Variants in DPT observed in about 807,000 individuals in gnomAD.
DPT encodes tyrosine-rich acidic matrix protein.
Under a neutral mutation model 31.2 loss-of-function variants are expected in DPT, and 21 were observed. The observed-to-expected ratio is 0.67, with a 90% CI of 0.48 to 0.97. The LOEUF is 0.97. Ranked by LOEUF, DPT falls within the 50% of genes least tolerant of loss-of-function variation. The probability of loss-of-function intolerance (pLI) is 0.00; values close to 1 mark genes in which losing one functional copy is unlikely to be tolerated. For missense variants in DPT, 262 were observed against 258.8 expected (o/e 1.01, Z -0.08); for synonymous variants, 91 against 86.9 (o/e 1.05, Z -0.26).
At chr1:168,703,252 A>G (rs1368370849) in intron 2 of DPT, among the ~76,000 whole-genome samples, 4 of 152,244 alleles carry the variant, frequency 2.6e-5, no homozygotes, top group African/African-American at 9.6e-5. Flanking sequence ...AATTGCCAAA[A>G]GTATTTGGAA....
chr1:168,699,807 C>T lies in DPT; in HGVS notation c.539+1210G>A, dbSNP rs566228595. ...ATTCATTTCTGTGTAAAGTGATTAT[C>T]GGCTGACTAAAAGTAGGCCAAACCA... On this transcript the variant is annotated intron_variant, in intron 3 of 3. Transcript: ENST00000367817. 4.9e-4 allele frequency among the ~76,000 whole-genome samples: 75 copies of T among 152,194 alleles called. 1 individual carries two copies. The highest frequency in any genetic ancestry group is 1.5e-3 in the African/African-American group (64 of 41,520).
intron 2 of DPT, among the ~76,000 whole-genome samples, chr1:168,702,768 C>G (rs1242204633): frequency 6.6e-6 from 1 of 152,046 alleles, no homozygotes; most frequent in Non-Finnish European, 1.5e-5. Context: ...TGTGCCACCA[C>G]ACCCAGCTAA....
chr1:168,705,342 G>T (rs891111405), intron 2 of DPT, among the ~76,000 whole-genome samples: 1 of 152,038 alleles, frequency 6.6e-6, no homozygotes, highest in Non-Finnish European at 1.5e-5. Flanking sequence ...CCTCTTTCAG[G>T]ACTTTCCCTC....
rs988074333 is a variant in DPT, at chr1:168,715,746, C to T, written c.306-1400G>A. 9.8e-5 allele frequency among the ~76,000 whole-genome samples: 15 copies of T among 152,320 alleles called. 1 individual carries two copies. The highest frequency in any genetic ancestry group is 9.8e-4 in the Admixed American group (15 of 15,304). Reference sequence around the variant, plus strand: ...CCCAGATGGGTATGGTGAGCCATGGCCCTTTGATGAAATCCAGTGGATTTC... The same window carrying T: ...CCCAGATGGGTATGGTGAGCCATGGTCCTTTGATGAAATCCAGTGGATTTC... On this transcript the variant is annotated intron_variant, in intron 1 of 3. Coordinates refer to ENST00000367817, the MANE Select transcript of DPT (RefSeq NM_001937.5).
chr1:168,702,681 G>A (rs572170126), intron 2 of DPT, among the ~76,000 whole-genome samples: 85 of 143,272 alleles, frequency 5.9e-4, no homozygotes, highest in African/African-American at 2.1e-3. Context: ...GTGCAATCTC[G>A]GCTCACTGCA....
intron 1 of DPT, among the ~76,000 whole-genome samples, chr1:168,725,336 C>CTT (rs1650219069): frequency 1.3e-5 from 2 of 150,200 alleles, no homozygotes; most frequent in African/African-American, 4.9e-5. Flanking sequence ...TTCTCTCTCT[C>CTT]TCTTTCTTTC....
intron 1 of DPT, among the ~76,000 whole-genome samples, chr1:168,725,090 T>C (rs1305296624): frequency 6.6e-6 from 1 of 152,246 alleles, no homozygotes; most frequent in East Asian, 1.9e-4. Context: ...GCATTTGTTT[T>C]AGACTTCAAT....
intron 2 of DPT, among the ~76,000 whole-genome samples, chr1:168,702,518 G>A (rs1375907974): frequency 6.6e-6 from 1 of 151,838 alleles, no homozygotes; most frequent in East Asian, 1.9e-4. Context: ...TGCTTAACGA[G>A]TTCATGAAGG....
At chr1:168,704,550 C>A (rs1336245657) in intron 2 of DPT, among the ~76,000 whole-genome samples, 1 of 152,112 alleles carries the variant, frequency 6.6e-6, no homozygotes, top group Admixed American at 6.5e-5. Context: ...CCGTCTCAAA[C>A]AACAACAACA....
chr1:168,727,836 GCCAGATTTTGTGCTTGACCCCT>G (rs1484611385), intron 1 of DPT, among the ~76,000 whole-genome samples: 1 of 151,966 alleles, frequency 6.6e-6, no homozygotes, highest in Non-Finnish European at 1.5e-5. Flanking sequence ...ACCACACCTG[GCCAGATTTTGTGCTTGACCCCT>G]CCAATCCCCA....
At position 168,712,810 on chromosome 1, in the gene DPT, T is replaced by C. The variant is rs200775282; in HGVS notation, c.431+1411A>G. On this transcript the variant is annotated intron_variant, in intron 2 of 3. Coordinates refer to ENST00000367817, the MANE Select transcript of DPT (RefSeq NM_001937.5). ...CCAGGGGTTCTTGGCAGTGTGTTCA[T>C]GAATGGCCTTCAGGGAGTTTAAGGA... Among the ~76,000 whole-genome samples the C allele has an allele frequency of 5.9e-5, 9 of 152,336 alleles. No homozygotes were observed. The East Asian group carries it at 1.7e-3, about 29-fold the overall frequency.
intron 2 of DPT, among the ~76,000 whole-genome samples, chr1:168,703,923 G>A (rs919370670): frequency 5.9e-5 from 9 of 152,172 alleles, no homozygotes; most frequent in African/African-American, 9.7e-5. Flanking sequence ...GACACTGCAT[G>A]TGCACGCGCA....
chr1:168,713,315 C>T (rs1278281098), intron 2 of DPT, among the ~76,000 whole-genome samples: 3 of 152,150 alleles, frequency 2.0e-5, no homozygotes, highest in Admixed American at 6.5e-5. Context: ...AAAAGAAAAA[C>T]GTTAAGCTTT....
At chr1:168,727,594 G>A (rs1650279698) in intron 1 of DPT, among the ~76,000 whole-genome samples, 1 of 148,982 alleles carries the variant, frequency 6.7e-6, no homozygotes, top group South Asian at 2.1e-4. Context: ...AGGGAATACA[G>A]TGGTGCGAGC....
intron 1 of DPT, among the ~76,000 whole-genome samples, chr1:168,719,877 T>C (rs1303406650): frequency 1.3e-5 from 2 of 151,940 alleles, no homozygotes; most frequent in African/African-American, 4.8e-5. Context: ...CCCTGCTCCA[T>C]CTGAAACTGG....
chr1:168,703,350 T>C (rs1408711274), intron 2 of DPT, among the ~76,000 whole-genome samples: 3 of 152,180 alleles, frequency 2.0e-5, no homozygotes, highest in Non-Finnish European at 4.4e-5. Flanking sequence ...CGGAATAAAG[T>C]GGGAAAGAAA....
chr1:168,711,070 G>C (rs148003473), intron 2 of DPT, among the ~76,000 whole-genome samples: 4,226 of 151,228 alleles, frequency 0.028, 83 homozygotes, highest in African/African-American at 0.044. Context: ...GAGTGCAGTG[G>C]CGTGATCTCG....
chr1:168,704,965 G>C (rs769587973), intron 2 of DPT, among the ~76,000 whole-genome samples: 1 of 151,958 alleles, frequency 6.6e-6, no homozygotes, highest in Non-Finnish European at 1.5e-5. Context: ...TAGATGTCTC[G>C]GCTCCGTTGC....
In DPT at chr1:168,720,735, T is replaced by A. The variant is rs78798117; in HGVS notation, c.306-6389A>T. Among the ~76,000 whole-genome samples the A allele has an allele frequency of 7.9e-4, 121 of 152,320 alleles. No individual in the cohort carries two copies. The East Asian group carries it at 0.02, about 25-fold the overall frequency. On this transcript the variant is annotated intron_variant, in intron 1 of 3. Transcript: ENST00000367817. ...GTGGCTCACTCCATGTGGCACAGCATCCTTAACACTCCCAAATTTCTTTCC... is the reference window on the plus strand; with the variant it reads ...GTGGCTCACTCCATGTGGCACAGCAACCTTAACACTCCCAAATTTCTTTCC...
Sources: gnomAD v4.1 joint callset for allele counts (sites outside exome capture counted in the v4.1 genomes callset) on GRCh38, gnomAD v4.1.1 for gene constraint, MANE v1.5 for transcripts, NCBI Gene and HGNC (gene_info 2026-07-23, HGNC 2026-07-21) for gene names.